The following CELA2B variants were observed in gnomAD, a reference collection of about 807,000 sequenced individuals.
CELA2B encodes chymotrypsin like elastase 2B, also known as chymotrypsin-like elastase family member 2B.
A neutral mutation model predicts 36.5 loss-of-function variants in CELA2B; 27 were observed. The observed-to-expected ratio is 0.74, with a 90% CI of 0.55 to 1.02. CELA2B has a LOEUF of 1.02. Ranked by LOEUF, CELA2B falls within the 50% of genes least tolerant of loss-of-function variation. CELA2B has a pLI of 0.00. For synonymous variants in CELA2B, 143 were observed against 148.5 expected, an observed-to-expected ratio of 0.96 and a Z score of 0.27; for missense variants, 340 against 347.8, an observed-to-expected ratio of 0.98 and a Z score of 0.18.
intron 7 of CELA2B, among the ~76,000 whole-genome samples, chr1:15,488,972 G>A (rs1277021354): frequency 5.9e-5 from 9 of 152,166 alleles, no homozygotes; most frequent in Admixed American, 5.2e-4. Context: ...AAAGACAGTA[G>A]CCATTAATCA....
rs1194733629 is a variant in CELA2B, at chr1:15,476,306, C to T, written c.40+141C>T. ...TCATAAGAAAACCGAAATGGAGTTT[C>T]AAAGAATTGGAGCAAACAGAAGGAT... On this transcript the variant is annotated intron_variant, in intron 1 of 7. Transcript: ENST00000375910. The T allele has an allele frequency of 1.3e-5, 18 of 1,424,618 alleles. No individual in the cohort carries two copies. In the Admixed American group the frequency reaches 3.6e-4, roughly 29 times the overall value. The allele number at this position is 1,424,618 out of a possible 1,614,324, so 88.2% of individuals were successfully genotyped here. A position where few individuals can be genotyped will look rare whatever the true frequency, so the allele number is the denominator to read the frequency against.
intron 7 of CELA2B, among the ~76,000 whole-genome samples, chr1:15,488,051 T>G (rs1267076166): frequency 6.6e-6 from 1 of 152,212 alleles, no homozygotes; most frequent in Non-Finnish European, 1.5e-5. Flanking sequence ...TTTTTAACAA[T>G]GAACACACAT....
At chr1:15,482,666 A>T (rs1708757395) in intron 4 of CELA2B, among the ~76,000 whole-genome samples, 1 of 152,110 alleles carries the variant, frequency 6.6e-6, no homozygotes, top group Non-Finnish European at 1.5e-5. Context: ...TATCTACTTC[A>T]TGCCAAGTCC....
At chr1:15,484,171 G>C (rs1262863749) in intron 5 of CELA2B, among the ~76,000 whole-genome samples, 3 of 152,130 alleles carry the variant, frequency 2.0e-5, no homozygotes, top group South Asian at 4.1e-4. Flanking sequence ...GGCCCCTGGA[G>C]CCCTCATCAG....
intron 2 of CELA2B, among the ~76,000 whole-genome samples, chr1:15,478,297 G>A (rs1220076331): frequency 1.3e-5 from 2 of 151,914 alleles, no homozygotes; most frequent in African/African-American, 4.8e-5. Flanking sequence ...AGGCTGGAGT[G>A]CAATGGTACA....
At chr1:15,488,943 G>GA (rs1172147656) in intron 7 of CELA2B, among the ~76,000 whole-genome samples, 1 of 152,050 alleles carries the variant, frequency 6.6e-6, no homozygotes, top group Non-Finnish European at 1.5e-5. Context: ...AAGTTTGTTG[G>GA]AAAAAAATGG....
intron 5 of CELA2B, among the ~76,000 whole-genome samples, chr1:15,485,059 G>A (rs973164062): frequency 1.3e-5 from 2 of 152,030 alleles, no homozygotes; most frequent in African/African-American, 4.8e-5. Flanking sequence ...ACCACGCCCA[G>A]CTAATTTCTA....
Position 15,476,134 on chromosome 1 carries a change from G to A in CELA2B, c.9G>A (p.Arg3=). The A allele has an allele frequency of 6.2e-7, 1 of 1,614,066 alleles. No individual in the cohort carries two copies. The highest frequency in any genetic ancestry group is 1.7e-5 in the Admixed American group (1 of 60,010). MI[R]TLLLSTLVAG... ...ACTCCCACGGACACACCATGATTAG[G>A]ACCCTGCTGCTGTCCACTTTGGTGG... Residue 3 remains arginine, a synonymous_variant, in exon 1 of 8, where the codon AGG becomes AGA. Transcript: ENST00000375910.
At chr1:15,484,509 TA>T (rs749176121) in intron 5 of CELA2B, among the ~76,000 whole-genome samples, 154 of 152,272 alleles carry the variant, frequency 1.0e-3, no homozygotes, top group South Asian at 5.0e-3. Flanking sequence ...TACCCTCAAA[TA>T]AATTCCCATT....
intron 6 of CELA2B, 129 bp from the exon 7 acceptor site, chr1:15,487,156 A>T: frequency 1.2e-6 from 1 of 828,304 alleles, no homozygotes; most frequent in Non-Finnish European, 2.0e-6. Flanking sequence ...ACCTTGAGCT[A>T]TGACCACAAG....
At chr1:15,480,472 G>A (rs1708725272) in intron 2 of CELA2B, among the ~76,000 whole-genome samples, 1 of 152,154 alleles carries the variant, frequency 6.6e-6, no homozygotes. Flanking sequence ...ATAAAGGAAA[G>A]AGGTTTAATT....
At chr1:15,487,019 T>C (rs886876961) in intron 6 of CELA2B, among the ~76,000 whole-genome samples, 7 of 152,192 alleles carry the variant, frequency 4.6e-5, no homozygotes, top group Non-Finnish European at 7.3e-5. Flanking sequence ...TCCTCTTCCG[T>C]GGCCTGGGGA....
intron 3 of CELA2B, 124 bp from the exon 4 acceptor site, chr1:15,482,141 G>T: frequency 8.7e-7 from 1 of 1,156,040 alleles, no homozygotes; most frequent in Non-Finnish European, 1.2e-6. Context: ...TGTCCCAGGG[G>T]AGGAAAGATC....
chr1:15,477,277 T>C (rs747574942), intron 2 of CELA2B, among the ~76,000 whole-genome samples: 5 of 152,204 alleles, frequency 3.3e-5, no homozygotes, highest in Non-Finnish European at 5.9e-5. Flanking sequence ...AAAATAAATG[T>C]TTCTTAAGTT....
chr1:15,485,487 G>A (rs1472870325), intron 5 of CELA2B, among the ~76,000 whole-genome samples: 9 of 152,244 alleles, frequency 5.9e-5, no homozygotes, highest in Non-Finnish European at 1.3e-4. Flanking sequence ...CAGGCATCAG[G>A]AAGAGACTAG....
At chr1:15,481,751 T>G (rs1313387541) in intron 3 of CELA2B, 1 of 469,470 alleles carries the variant, frequency 2.1e-6, no homozygotes. Flanking sequence ...TTCTGCCGGG[T>G]CAGTGTGACT....
intron 4 of CELA2B, among the ~76,000 whole-genome samples, chr1:15,482,892 T>C (rs1443654772): frequency 1.3e-5 from 2 of 151,994 alleles, no homozygotes; most frequent in Non-Finnish European, 2.9e-5. Context: ...TTCACACCGT[T>C]CTCCTGCCTC....
chr1:15,486,757 A>C lies in CELA2B; in HGVS notation c.640-528A>C, dbSNP rs368000500. On this transcript the variant is annotated intron_variant, in intron 6 of 7. Coordinates refer to ENST00000375910, the MANE Select transcript of CELA2B (RefSeq NM_015849.3). The stretch of plus-strand genomic sequence containing the variant: ...GTAGCTGTCACGGAAACCTTCCTGG[A>C]GACAGTGTCTTAACCACCAGGAATT... Among the ~76,000 whole-genome samples, 19 of 152,292 alleles carry C rather than the reference A, an allele frequency of 1.2e-4. 1 individual carries two copies. The East Asian group carries it at 2.5e-3, about 20-fold the overall frequency.
In CELA2B at chr1:15,487,438, G is replaced by T; in HGVS notation, c.792+1G>T. ...CAACTACAACGACTGGATCAATTCG[G>T]TAAGAACCGGAGCAGCCCTGAGCCC... On this transcript the variant is annotated splice_donor_variant, in intron 7 of 7. Coordinates refer to ENST00000375910, the MANE Select transcript of CELA2B (RefSeq NM_015849.3). LOFTEE classifies it high-confidence loss of function. 2 of 1,614,194 alleles carry T rather than the reference G, an allele frequency of 1.2e-6. No individual in the cohort carries two copies. Among genetic ancestry groups the T allele is most frequent in the Non-Finnish European group, 1.7e-6 (2 of 1,180,010 alleles).
Sources: allele counts gnomAD v4.1 joint callset (sites outside exome capture counted in the v4.1 genomes callset), GRCh38; gene constraint gnomAD v4.1.1; transcripts MANE v1.5; gene names NCBI Gene and HGNC (gene_info 2026-07-23, HGNC 2026-07-21).